MCM9: variants seen among roughly 807,000 people sequenced by gnomAD.
MCM9 encodes the protein DNA helicase MCM9.
Under a neutral mutation model 72.8 loss-of-function variants are expected in MCM9, and 55 were observed. The observed-to-expected ratio is 0.76, with a 90% confidence interval of 0.61 to 0.95. MCM9 has a LOEUF of 0.95. Among genes scored for constraint, MCM9 ranks in the 40% least tolerant of loss-of-function variants. The pLI, the probability that MCM9 is intolerant of heterozygous loss-of-function variation, is 0.00. For synonymous variants in MCM9, 480 were observed against 503.4 expected (o/e 0.95, Z 0.62); for missense variants, 1,279 against 1,377.0 (o/e 0.93, Z 1.13).
chr6:118,932,991 T>C (rs6910782), intron 1 of MCM9, among the ~76,000 whole-genome samples: 97,113 of 152,020 alleles, frequency 0.64, 31,457 homozygotes, highest in East Asian at 0.88. Context: ...CTAATATCTA[T>C]CATGTACAAG....
chr6:118,850,439 A>G (rs1026262946), intron 9 of MCM9, among the ~76,000 whole-genome samples: 1 of 151,870 alleles, frequency 6.6e-6, no homozygotes, highest in African/African-American at 2.4e-5. Context: ...CATGAACTCT[A>G]TTTGAGAATA....
intron 8 of MCM9, among the ~76,000 whole-genome samples, chr6:118,874,179 T>TG (rs1777790824): frequency 1.3e-5 from 2 of 152,054 alleles, no homozygotes; most frequent in South Asian, 4.2e-4. Flanking sequence ...CACTTGAACC[T>TG]GGAAGGCAGA....
At chr6:118,816,751 A>G (rs1031241906) in intron 13 of MCM9, among the ~76,000 whole-genome samples, 1 of 152,222 alleles carries the variant, frequency 6.6e-6, no homozygotes, top group Admixed American at 6.5e-5. Flanking sequence ...TCAAGGAACC[A>G]AAGTGAAAGA....
At chr6:118,889,222 C>T (rs1408671182) in intron 8 of MCM9, among the ~76,000 whole-genome samples, 1 of 152,144 alleles carries the variant, frequency 6.6e-6, no homozygotes, top group Admixed American at 6.5e-5. Context: ...AATTAATTAC[C>T]TATTAGCTCA....
chr6:118,905,887 C>A, intron 8 of MCM9: 1 of 1,306,514 alleles, frequency 7.7e-7, no homozygotes, highest in Non-Finnish European at 1.0e-6. Flanking sequence ...AAAGCAGTTG[C>A]TATTGCAATT....
intron 9 of MCM9, among the ~76,000 whole-genome samples, chr6:118,836,623 T>G (rs36130787): frequency 0.047 from 7,142 of 152,300 alleles, 244 homozygotes; most frequent in Non-Finnish European, 0.071. Context: ...ATTTTCTAGT[T>G]TGTTTCTGTA....
intron 9 of MCM9, among the ~76,000 whole-genome samples, chr6:118,854,240 C>CT (rs1367911103): frequency 6.6e-6 from 1 of 152,186 alleles, no homozygotes; most frequent in East Asian, 1.9e-4. Flanking sequence ...ACTGACCATA[C>CT]TTCTAGTACA....
chr6:118,855,646 G>T (rs1302992907), intron 9 of MCM9, among the ~76,000 whole-genome samples: 1 of 152,106 alleles, frequency 6.6e-6, no homozygotes, highest in Non-Finnish European at 1.5e-5. Context: ...ACTGCTGGCA[G>T]CCCTACCTGT....
Position 118,931,591 on chromosome 6 carries a change from T to C in MCM9, c.133A>G (p.Met45Val), listed in dbSNP as rs1782433832. Residue 45 changes from methionine (M) to valine (V), a missense_variant, in exon 3 of 14, where the codon ATG becomes GTG. Physicochemically the swap from Met to Val is conservative, Grantham distance 21. Transcript: ENST00000619706. ...TCCATGTTGGTCTCAAACAGAGTCA[T>C]GGCATTAACCACAACTGGGTAATGA... ...DAHYPVVVNAMTLFETNMEIG... is the reference protein window; with the variant it reads ...DAHYPVVVNAVTLFETNMEIG... 1 of 1,614,156 alleles carries C rather than the reference T, an allele frequency of 6.2e-7. No individual in the cohort carries two copies.
intron 7 of MCM9, chr6:118,912,962 T>C (rs1020984193): frequency 1.0e-5 from 2 of 194,716 alleles, no homozygotes; most frequent in Non-Finnish European, 2.1e-5. Context: ...TAAAATACAC[T>C]ATTTCTAATC....
At chr6:118,933,454 C>T (rs1431685745) in intron 1 of MCM9, among the ~76,000 whole-genome samples, 1 of 151,114 alleles carries the variant, frequency 6.6e-6, no homozygotes, top group East Asian at 1.9e-4. Context: ...TGCAGTGAGC[C>T]GAGACCACGC....
chr6:118,907,732 G>T, intron 8 of MCM9: 1 of 749,522 alleles, frequency 1.3e-6, no homozygotes, highest in Admixed American at 3.0e-5. Context: ...AAAACATCCT[G>T]TAGAAAGTTT....
At chr6:118,924,324 A>G (rs544494947) in intron 3 of MCM9, among the ~76,000 whole-genome samples, 197 bp from the exon 4 acceptor site, 1 of 152,294 alleles carries the variant, frequency 6.6e-6, no homozygotes, top group South Asian at 2.1e-4. Context: ...AGTTATCAGT[A>G]GAGTTTTTTT....
At chr6:118,818,284 C>T (rs1267516841) in intron 13 of MCM9, among the ~76,000 whole-genome samples, 1 of 152,174 alleles carries the variant, frequency 6.6e-6, no homozygotes, top group African/African-American at 2.4e-5. Context: ...AGTCTTTAAT[C>T]CAACTTGAGT....
intron 3 of MCM9, among the ~76,000 whole-genome samples, chr6:118,928,122 C>T (rs1782052239): frequency 6.6e-6 from 1 of 152,156 alleles, no homozygotes; most frequent in Non-Finnish European, 1.5e-5. Flanking sequence ...GTTAAGAATA[C>T]AGACTCAGGC....
At chr6:118,816,921 T>G (rs1773445644) in intron 13 of MCM9, among the ~76,000 whole-genome samples, 1 of 152,218 alleles carries the variant, frequency 6.6e-6, no homozygotes, top group Non-Finnish European at 1.5e-5. Context: ...CCCAGGCAAC[T>G]GTGACAATCT....
chr6:118,834,868 T>A (rs758204666), intron 9 of MCM9, among the ~76,000 whole-genome samples: 4 of 152,222 alleles, frequency 2.6e-5, no homozygotes, highest in African/African-American at 7.2e-5. Context: ...TCAAATCCCA[T>A]TTGTCAATTC....
At position 118,816,363 on chromosome 6, in the gene MCM9, T is replaced by C. The variant is rs369668984; in HGVS notation, c.1962-69A>G. The C allele has an allele frequency of 1.4e-4, 184 of 1,337,798 alleles. 5 individuals are homozygous for C. Among genetic ancestry groups the C allele is most frequent in the East Asian group, 1.2e-3 (46 of 39,100 alleles). 82.9% of individuals were successfully genotyped at this position (1,337,798 alleles called of 1,614,324 possible). A position where few individuals can be genotyped will look rare whatever the true frequency, so the allele number is the denominator to read the frequency against. On this transcript the variant is annotated intron_variant, in intron 13 of 13. Coordinates refer to ENST00000619706, the MANE Select transcript of MCM9 (RefSeq NM_017696.3). The stretch of plus-strand genomic sequence containing the variant: ...GAATTTGTGCTAACCTATTCATTTC[T>C]TTAGTCTCTGAGATACCATCTTAAA...
intron 13 of MCM9, among the ~76,000 whole-genome samples, chr6:118,822,465 A>G (rs1773881114): frequency 6.6e-6 from 1 of 152,098 alleles, no homozygotes; most frequent in Non-Finnish European, 1.5e-5. Flanking sequence ...AACAGCAAAG[A>G]TTGCTGCCTG....
Sources: allele counts gnomAD v4.1 joint callset (sites outside exome capture counted in the v4.1 genomes callset), GRCh38; gene constraint gnomAD v4.1.1; transcripts MANE v1.5; gene names NCBI Gene and HGNC (gene_info 2026-07-23, HGNC 2026-07-21).